PPHLN1: variants seen among roughly 807,000 people sequenced by gnomAD.
The protein encoded by PPHLN1 is periphilin-1.
Under a neutral mutation model 51.3 loss-of-function variants are expected in PPHLN1, and 29 were observed. The observed-to-expected ratio is 0.57, with a 90% CI of 0.42 to 0.77. The LOEUF is 0.77. Ranked by LOEUF, PPHLN1 falls within the 30% of genes least tolerant of loss-of-function variation. The probability of loss-of-function intolerance (pLI) is 0.00; values close to 1 mark genes in which losing one functional copy is unlikely to be tolerated. For synonymous variants in PPHLN1, 147 were observed against 147.8 expected (o/e 0.99, Z 0.04); for missense variants, 436 against 438.4 (o/e 0.99, Z 0.05).
At chr12:42,443,042 A>G (rs1437492177), downstream of PPHLN1, 1 of 297,434 alleles carries the variant, frequency 3.4e-6, no homozygotes, top group African/African-American at 2.1e-5. Context: ...TAAAATCTTT[A>G]ACGTTATGGG....
intron 4 of PPHLN1, chr12:42,361,528 A>G (rs2074684702): frequency 6.6e-6 from 1 of 152,148 alleles, no homozygotes; most frequent in Admixed American, 6.6e-5. Flanking sequence ...GGACTAATAG[A>G]TGCCTATTTT....
At chr12:42,393,250 A>T (rs2077892600) in intron 7 of PPHLN1, among the ~76,000 whole-genome samples, 1 of 152,178 alleles carries the variant, frequency 6.6e-6, no homozygotes, top group Admixed American at 6.5e-5. Context: ...AGTTGAAATC[A>T]GTATGATGTC....
rs528919740 is a variant in PPHLN1 at position 42,358,983 on chromosome 12, A to G, written c.299+3761A>G. Among the ~76,000 whole-genome samples the G allele has an allele frequency of 4.6e-5, 7 of 152,278 alleles. 1 individual carries two copies. In the South Asian group the frequency reaches 1.4e-3, roughly 32 times the overall value. ...TTAATTTTTTTTAATAAAAATCTTA[A>G]CATTTTAATTTAGATAATTATTTTT... On this transcript the variant is annotated intron_variant, in intron 4 of 9. Transcript: ENST00000358314.
At chr12:42,332,964 T>C (rs2070008994) in intron 1 of PPHLN1, among the ~76,000 whole-genome samples, 1 of 152,160 alleles carries the variant, frequency 6.6e-6, no homozygotes, top group Non-Finnish European at 1.5e-5. Context: ...TTACATACTT[T>C]TGTAATACAT....
chr12:42,407,895 C>G (rs2079456609), intron 9 of PPHLN1, among the ~76,000 whole-genome samples: 1 of 152,004 alleles, frequency 6.6e-6, no homozygotes, highest in African/African-American at 2.4e-5. Flanking sequence ...TTTTTCTCCC[C>G]CAAATATTTT....
intron 2 of PPHLN1, among the ~76,000 whole-genome samples, chr12:42,342,672 C>T (rs1358427138): frequency 6.6e-6 from 1 of 152,216 alleles, no homozygotes; most frequent in Non-Finnish European, 1.5e-5. Context: ...GGGGCTGAAG[C>T]AGTCCTATCT....
At chr12:42,376,745 G>A (rs571092250) in intron 5 of PPHLN1, among the ~76,000 whole-genome samples, 5 of 152,184 alleles carry the variant, frequency 3.3e-5, no homozygotes, top group South Asian at 4.2e-4. Context: ...CTGTGATCAC[G>A]CCACTGCACT....
At chr12:42,432,154 C>T in intron 9 of PPHLN1, 1 of 967,746 alleles carries the variant, frequency 1.0e-6, no homozygotes, top group Admixed American at 1.7e-5. Flanking sequence ...CTGTCTCGAT[C>T]ATCTTCTTCA....
At chr12:42,405,981 AAATAG>A (rs2079255745) in intron 9 of PPHLN1, among the ~76,000 whole-genome samples, 1 of 152,194 alleles carries the variant, frequency 6.6e-6, no homozygotes, top group Non-Finnish European at 1.5e-5. Flanking sequence ...TCAAGGCAAG[AAATAG>A]AATATTACCA....
At chr12:42,358,816 C>T (rs887112502) in intron 4 of PPHLN1, among the ~76,000 whole-genome samples, 4 of 151,962 alleles carry the variant, frequency 2.6e-5, no homozygotes, top group African/African-American at 9.7e-5. Context: ...AATTCTAGTA[C>T]ATAATATTTT....
intron 1 of PPHLN1, among the ~76,000 whole-genome samples, chr12:42,334,127 G>C (rs1433052414): frequency 3.3e-5 from 5 of 152,128 alleles, no homozygotes; most frequent in Non-Finnish European, 7.4e-5. Flanking sequence ...TTCAGTAAAG[G>C]TGGGGGAGGA....
intron 8 of PPHLN1, among the ~76,000 whole-genome samples, chr12:42,396,979 A>G (rs1280333376): frequency 6.6e-6 from 1 of 150,406 alleles, no homozygotes; most frequent in Non-Finnish European, 1.5e-5. Flanking sequence ...TTGAGGCTGC[A>G]GTGAGCTGTG....
intron 5 of PPHLN1, 62 bp from the exon 6 acceptor site, chr12:42,384,878 C>T (rs2077061429): frequency 6.8e-7 from 1 of 1,478,778 alleles, no homozygotes; most frequent in Non-Finnish European, 9.4e-7. Flanking sequence ...CTGAGTTCTT[C>T]TCTTGTTCCT....
At chr12:42,346,652 T>C (rs959994896) in intron 2 of PPHLN1, among the ~76,000 whole-genome samples, 4 of 152,130 alleles carry the variant, frequency 2.6e-5, no homozygotes, top group African/African-American at 9.7e-5. Flanking sequence ...ATTTTTACTT[T>C]CTCTAGGAAT....
chr12:42,444,458 G>A (rs1291219787), downstream of PPHLN1: 1 of 149,530 alleles, frequency 6.7e-6, no homozygotes, highest in Admixed American at 6.8e-5. Flanking sequence ...ACAATACTCA[G>A]TCCAATTGTT....
At chr12:42,372,102 C>T (rs2075855818) in intron 4 of PPHLN1, among the ~76,000 whole-genome samples, 1 of 152,176 alleles carries the variant, frequency 6.6e-6, no homozygotes, top group East Asian at 1.9e-4. Context: ...TAGTGCTGTT[C>T]ATATGGTGGA....
chr12:42,378,090 CTCTTTCTTTCTTTCTTTCTTTCTTTCTT>C (rs57255344), intron 5 of PPHLN1, among the ~76,000 whole-genome samples: 165 of 140,916 alleles, frequency 1.2e-3, no homozygotes, highest in African/African-American at 2.4e-3. Context: ...ATCTATCTTT[CTCTTTCTTTCTTTCTTTCTTTCTTTCTT>C]TCTTTCTTTC....
At chr12:42,337,487 G>C (rs948974348) in intron 2 of PPHLN1, among the ~76,000 whole-genome samples, 2 of 151,712 alleles carry the variant, frequency 1.3e-5, no homozygotes, top group African/African-American at 4.8e-5. Context: ...GTAGAGATGG[G>C]GTTTCACCAT....
At chr12:42,339,041 T>A (rs1438593064) in intron 2 of PPHLN1, among the ~76,000 whole-genome samples, 1 of 152,220 alleles carries the variant, frequency 6.6e-6, no homozygotes, top group Non-Finnish European at 1.5e-5. Context: ...AGGCTTCTTA[T>A]CCCTCATAAA....
Sources: allele counts gnomAD v4.1 joint callset (sites outside exome capture counted in the v4.1 genomes callset), GRCh38; gene constraint gnomAD v4.1.1; transcripts MANE v1.5; gene names NCBI Gene and HGNC (gene_info 2026-07-23, HGNC 2026-07-21).